The following RAD51B variants were observed in gnomAD, a reference collection of about 807,000 sequenced individuals.
RAD51B encodes DNA repair protein RAD51 homolog 2.
Under a neutral mutation model 42.2 loss-of-function variants are expected in RAD51B, and 38 were observed. The ratio of observed to expected loss-of-function variants is 0.90; its 90% CI spans 0.70 to 1.18. RAD51B has a LOEUF of 1.18. RAD51B is among the 50% of genes most tolerant of loss of function. The pLI, the probability that RAD51B is intolerant of heterozygous loss-of-function variation, is 0.00. For missense variants in RAD51B, 373 were observed against 400.7 expected, an observed-to-expected ratio of 0.93 and a Z score of 0.59; for synonymous variants, 154 against 145.2, an observed-to-expected ratio of 1.06 and a Z score of -0.43.
intron 7 of RAD51B, among the ~76,000 whole-genome samples, chr14:68,169,928 T>C (rs182593276): frequency 1.2e-4 from 18 of 152,356 alleles, no homozygotes; most frequent in Non-Finnish European, 2.4e-4. Context: ...GTTTTGTGTA[T>C]GTGATCACAA....
At chr14:68,113,271 T>G (rs956640751) in intron 7 of RAD51B, among the ~76,000 whole-genome samples, 3 of 152,068 alleles carry the variant, frequency 2.0e-5, no homozygotes, top group African/African-American at 4.8e-5. Flanking sequence ...TCCATAATTA[T>G]TAAGAATTTT....
At chr14:67,932,584 G>T (rs2044779969) in intron 7 of RAD51B, among the ~76,000 whole-genome samples, 1 of 152,112 alleles carries the variant, frequency 6.6e-6, no homozygotes. Flanking sequence ...GGTGGGGTGG[G>T]CAGGTGAGCA....
chr14:68,507,900 G>A (rs1885453250), intron 10 of RAD51B, among the ~76,000 whole-genome samples: 2 of 152,188 alleles, frequency 1.3e-5, no homozygotes, highest in South Asian at 4.1e-4. Flanking sequence ...ATGGAGCAGA[G>A]AGCCTGAACC....
At chr14:68,033,059 A>G (rs1412119906) in intron 7 of RAD51B, among the ~76,000 whole-genome samples, 1 of 152,168 alleles carries the variant, frequency 6.6e-6, no homozygotes, top group Non-Finnish European at 1.5e-5. Context: ...TTACCGTATC[A>G]TCATGGTGCT....
intron 5 of RAD51B, among the ~76,000 whole-genome samples, chr14:67,884,989 G>T (rs1401856651): frequency 1.3e-5 from 2 of 152,076 alleles, no homozygotes; most frequent in Non-Finnish European, 2.9e-5. Context: ...GTACTTTTGA[G>T]TCTCTAAATG....
intron 7 of RAD51B, among the ~76,000 whole-genome samples, chr14:68,184,625 C>CAA (rs3073458): frequency 0.7 from 92,552 of 131,996 alleles, 33,199 homozygotes; most frequent in East Asian, 0.93. Flanking sequence ...AAAAAAAAAC[C>CAA]AAAAAAAAAA....
intron 7 of RAD51B, among the ~76,000 whole-genome samples, chr14:68,263,904 C>G (rs933887893): frequency 6.6e-6 from 1 of 152,182 alleles, no homozygotes; most frequent in Non-Finnish European, 1.5e-5. Flanking sequence ...AAGCAGTATG[C>G]AAAGAGAAGT....
chr14:68,262,579 G>T (rs1002600761), intron 7 of RAD51B, among the ~76,000 whole-genome samples: 2 of 152,142 alleles, frequency 1.3e-5, no homozygotes, highest in African/African-American at 4.8e-5. Context: ...TGTTTAGGAG[G>T]TTAATAGAAT....
At chr14:68,304,245 G>C (rs933159503) in intron 8 of RAD51B, among the ~76,000 whole-genome samples, 1 of 151,494 alleles carries the variant, frequency 6.6e-6, no homozygotes, top group Admixed American at 6.6e-5. Context: ...TAATAATATT[G>C]AGTGCCTATT....
At chr14:68,639,799 T>C (rs1294429020) in intron 10 of RAD51B, among the ~76,000 whole-genome samples, 1 of 152,164 alleles carries the variant, frequency 6.6e-6, no homozygotes, top group African/African-American at 2.4e-5. Context: ...TTTTGTTTTT[T>C]GTTTTTTTGA....
At chr14:68,350,766 T>C (rs1174155632) in intron 8 of RAD51B, among the ~76,000 whole-genome samples, 2 of 152,204 alleles carry the variant, frequency 1.3e-5, no homozygotes, top group Non-Finnish European at 2.9e-5. Context: ...ATTCATCAAA[T>C]CCACTGAACA....
chr14:67,831,580 A>G (rs1271109148), intron 3 of RAD51B, among the ~76,000 whole-genome samples: 1 of 152,150 alleles, frequency 6.6e-6, no homozygotes, highest in African/African-American at 2.4e-5. Flanking sequence ...CTTGTTGCCC[A>G]GGCTGGAGTG....
Position 67,895,369 on chromosome 14 carries a change from C to A in RAD51B, c.756+8165C>A, listed in dbSNP as rs185961889. Among the ~76,000 whole-genome samples the A allele has an allele frequency of 4.6e-5, 7 of 152,260 alleles. No individual in the cohort carries two copies. In the East Asian group the frequency reaches 1.2e-3, roughly 25 times the overall value. Reference sequence around the variant, plus strand: ...ATTTATGTAAGATTGCTTAAGGAGTCATTTGGATAATTGAATAATATCACT... The same window carrying A: ...ATTTATGTAAGATTGCTTAAGGAGTAATTTGGATAATTGAATAATATCACT... On this transcript the variant is annotated intron_variant, in intron 7 of 10. Transcript: ENST00000471583.
intron 7 of RAD51B, among the ~76,000 whole-genome samples, chr14:68,155,375 G>A (rs1476340692): frequency 2.6e-5 from 4 of 151,860 alleles, no homozygotes; most frequent in Non-Finnish European, 5.9e-5. Context: ...GTATTTTTTA[G>A]TAGAGACGGG....
At chr14:68,448,816 T>C (rs3784122) in intron 9 of RAD51B, among the ~76,000 whole-genome samples, 20,146 of 152,176 alleles carry the variant, frequency 0.13, 1,608 homozygotes, top group East Asian at 0.47. Context: ...TAGCTTGACT[T>C]TCCATGTATA....
At chr14:68,585,163 T>C (rs991847946) in intron 10 of RAD51B, among the ~76,000 whole-genome samples, 2 of 152,184 alleles carry the variant, frequency 1.3e-5, no homozygotes, top group African/African-American at 4.8e-5. Context: ...CTGTGTACTC[T>C]ATTATTTAAG....
chr14:67,895,412 G>C (rs745686475), intron 7 of RAD51B, among the ~76,000 whole-genome samples: 10 of 152,128 alleles, frequency 6.6e-5, no homozygotes, highest in Non-Finnish European at 1.2e-4. Flanking sequence ...TCCATCCTGG[G>C]TTGTTATTGT....
intron 10 of RAD51B, among the ~76,000 whole-genome samples, chr14:68,581,812 A>G (rs1890220847): frequency 6.6e-6 from 1 of 152,228 alleles, no homozygotes; most frequent in Non-Finnish European, 1.5e-5. Flanking sequence ...AAACAGATAC[A>G]TAGACAAATG....
chr14:67,822,475 G>C (rs1283578171), intron 1 of RAD51B: 1 of 152,294 alleles, frequency 6.6e-6, no homozygotes, highest in Non-Finnish European at 1.5e-5. Flanking sequence ...CCAGGAGTTC[G>C]AGACCAGCTT....
Sources: allele counts gnomAD v4.1 joint callset (sites outside exome capture counted in the v4.1 genomes callset), GRCh38; gene constraint gnomAD v4.1.1; transcripts MANE v1.5; gene names NCBI Gene and HGNC (gene_info 2026-07-23, HGNC 2026-07-21).